Variants in VWDE observed in about 807,000 individuals in gnomAD.
The protein encoded by VWDE is von Willebrand factor D and EGF domain-containing protein.
A neutral mutation model predicts 178.4 loss-of-function variants in VWDE; 207 were observed. That is an observed-to-expected ratio of 1.16 (90% CI 1.04 to 1.30). VWDE has a LOEUF of 1.30. Among genes scored for constraint, VWDE ranks in the 50% most tolerant of loss-of-function variants. The pLI is 0.00. For missense variants in VWDE, 2,287 were observed against 1,901.3 expected (o/e 1.20, Z -3.77); for synonymous variants, 738 against 651.4 (o/e 1.13, Z -2.02).
At chr7:12,386,435 T>G (rs77776991) in intron 3 of VWDE, among the ~76,000 whole-genome samples, 3 of 152,148 alleles carry the variant, frequency 2.0e-5, no homozygotes, top group Non-Finnish European at 4.4e-5. Flanking sequence ...TAATTCTCCA[T>G]AGACTTCTCA....
Position 12,344,241 on chromosome 7 carries a change from G to T in VWDE, c.4032C>A (p.Asn1344Lys). 1 of 1,551,256 alleles carries T rather than the reference G, an allele frequency of 6.4e-7. No individual in the cohort carries two copies. Among genetic ancestry groups the T allele is most frequent in the Non-Finnish European group, 8.7e-7 (1 of 1,146,682 alleles). ...CKNHGKCIKP[N>K]ICQCLPGHGG... ...CATGTCCTGGAAGACACTGACAAAT[G>T]TTAGGCTTAATACATTTTCCATGGT... The change falls in exon 21 of 29, where the codon AAC becomes AAA. Residue 1344 changes from asparagine (N) to lysine (K), a missense_variant. Coordinates refer to ENST00000275358, the MANE Select transcript of VWDE (RefSeq NM_001135924.3).
At chr7:12,391,263 T>G (rs2128561724) in intron 2 of VWDE, among the ~76,000 whole-genome samples, 1 of 152,356 alleles carries the variant, frequency 6.6e-6, no homozygotes, top group South Asian at 2.1e-4. Context: ...CTTTATGTAA[T>G]GCATAAGCAT....
At chr7:12,359,207 C>T (rs528613960) in intron 16 of VWDE, among the ~76,000 whole-genome samples, 21 of 152,298 alleles carry the variant, frequency 1.4e-4, no homozygotes, top group African/African-American at 4.3e-4. Flanking sequence ...CATCACACAA[C>T]AGTAGTACTG....
intron 1 of VWDE, among the ~76,000 whole-genome samples, chr7:12,394,606 G>A (rs577706288): frequency 1.3e-5 from 2 of 152,244 alleles, no homozygotes; most frequent in South Asian, 2.1e-4. Context: ...ACTCTTGTTT[G>A]AGGCTCCTGT....
chr7:12,338,767 G>A (rs890268159), intron 24 of VWDE, among the ~76,000 whole-genome samples: 3 of 152,120 alleles, frequency 2.0e-5, no homozygotes, highest in Non-Finnish European at 2.9e-5. Flanking sequence ...TCCAAGAGGT[G>A]AAGCAAATTG....
Position 12,370,662 on chromosome 7 carries a change from T to A in VWDE, c.1790A>T (p.Glu597Val), listed in dbSNP as rs1368283312. 1 of 1,550,782 alleles carries A rather than the reference T, an allele frequency of 6.4e-7. No homozygotes were observed. The highest frequency in any genetic ancestry group is 8.7e-7 in the Non-Finnish European group (1 of 1,146,536). The change falls in exon 11 of 29, where the codon GAA becomes GTA. Residue 597 changes from glutamate (E) to valine (V), a missense_variant. Physicochemically the swap from Glu to Val is moderately radical, Grantham distance 121. Coordinates refer to ENST00000275358, the MANE Select transcript of VWDE (RefSeq NM_001135924.3). ...TGGAAAAATAGTGTCTTACCTCCAT[T>A]CATTAATAAAAGCAACATAATTGTT... Reference protein sequence around the residue: ...NFNNYVAFINEWRILPGKSMS... With the variant: ...NFNNYVAFINVWRILPGKSMS...
At chr7:12,345,209 C>A (rs950606843) in intron 19 of VWDE, among the ~76,000 whole-genome samples, 15 of 151,914 alleles carry the variant, frequency 9.9e-5, no homozygotes, top group African/African-American at 3.4e-4. Flanking sequence ...ACTCAGCAGA[C>A]CCACTTTTGT....
intron 23 of VWDE, among the ~76,000 whole-genome samples, chr7:12,341,413 C>T (rs900977384): frequency 1.3e-5 from 2 of 152,126 alleles, no homozygotes; most frequent in African/African-American, 2.4e-5. Flanking sequence ...GCAGGCGGAT[C>T]ACGAGGTCAG....
intron 19 of VWDE, among the ~76,000 whole-genome samples, chr7:12,346,630 A>T (rs1440034): frequency 0.64 from 96,740 of 150,156 alleles, 32,174 homozygotes; most frequent in African/African-American, 0.83. Context: ...GGCGGGGGGG[A>T]TCATTATTTA....
chr7:12,389,308 T>C lies in VWDE; in HGVS notation c.294A>G (p.Ser98=). The change falls in exon 3 of 29, where the codon TCA becomes TCG. Residue 98 remains serine (S), a synonymous_variant. Transcript: ENST00000275358. Reference sequence around the variant, plus strand: ...TCTCCCCAGGAGATGGCAGTGTTTCTGAATCTCTCAGAGACAGCCAGATGG... The same window carrying C: ...TCTCCCCAGGAGATGGCAGTGTTTCCGAATCTCTCAGAGACAGCCAGATGG... The part of the protein sequence containing the change: ...QAPIWLSLRD[S]ETLPSPGEIK... 5 of 1,551,542 alleles carry C rather than the reference T, an allele frequency of 3.2e-6. No individual in the cohort carries two copies. The highest frequency in any genetic ancestry group is 2.4e-5 in the East Asian group (1 of 40,912).
Position 12,370,492 on chromosome 7 carries a change from C to A in VWDE, c.1814G>T (p.Ser605Ile). ...INEWRILPGKSMSDTLPVSMT... is the reference protein window; with the variant it reads ...INEWRILPGKIMSDTLPVSMT... Reference sequence around the variant, plus strand: ...AGAAACTGGCAGTGTGTCAGACATGCTTTTTCCTGGTAAAATCCTTCCAGA... The same window carrying A: ...AGAAACTGGCAGTGTGTCAGACATGATTTTTCCTGGTAAAATCCTTCCAGA... The change falls in exon 12 of 29, where the codon AGC becomes ATC. Residue 605 changes from serine to isoleucine, a missense_variant. Coordinates refer to ENST00000275358, the MANE Select transcript of VWDE (RefSeq NM_001135924.3). 6.5e-7 allele frequency: 1 copy of A among 1,537,322 alleles called. No homozygotes were observed.
At position 12,357,318 on chromosome 7, in the gene VWDE, T is replaced by A. The variant is rs73678122; in HGVS notation, c.3472A>T (p.Ile1158Phe). Residue 1158 changes from isoleucine to phenylalanine, a missense_variant, in exon 17 of 29, where the codon ATT (isoleucine) becomes TTT (phenylalanine). Physicochemically the swap from Ile to Phe is conservative, Grantham distance 21. Transcript: ENST00000275358. ...CAGTCATCATTAAGGCGTACAGTAA[T>A]TTGTTGGGTAGTTAGTAAATCTGTT... is the stretch of plus-strand genomic sequence containing the variant. ...WKTDLLTTQQITVRLNDDCDA... is the reference protein window; with the variant it reads ...WKTDLLTTQQFTVRLNDDCDA... 4.3e-3 allele frequency: 6,737 copies of A among 1,552,204 alleles called. 226 individuals carry two copies. In the African/African-American group the frequency reaches 0.08, roughly 18 times the overall value.
At chr7:12,383,168 T>C (rs751255748) in intron 4 of VWDE, among the ~76,000 whole-genome samples, 3 of 152,084 alleles carry the variant, frequency 2.0e-5, no homozygotes, top group Non-Finnish European at 4.4e-5. Flanking sequence ...AAAACATTAT[T>C]AGACAAATTC....
intron 1 of VWDE, among the ~76,000 whole-genome samples, chr7:12,395,165 C>T (rs1784565719): frequency 1.3e-5 from 2 of 152,078 alleles, no homozygotes; most frequent in South Asian, 4.2e-4. Flanking sequence ...GTTAACTTCC[C>T]AAAAGGCTCC....
chr7:12,374,623 T>C, intron 9 of VWDE, 66 bp downstream of exon 9: 1 of 1,192,696 alleles, frequency 8.4e-7, no homozygotes, highest in Non-Finnish European at 1.2e-6. Flanking sequence ...CAATACACTG[T>C]TTAAAATAAA....
rs1486884153 is a variant in VWDE, at chr7:12,357,402, T to C, written c.3388A>G (p.Thr1130Ala). 6.4e-7 allele frequency: 1 copy of C among 1,551,956 alleles called. No individual in the cohort carries two copies. Among genetic ancestry groups the C allele is most frequent in the East Asian group, 2.4e-5 (1 of 40,916 alleles). ...FDPEGSDIHF[T>A]LDSGPEGASV... ...GCCCCTTCAGGACCAGAGTCCAACG[T>C]AAAATGGATGTCAGAACCTTCTGGA... The change falls in exon 17 of 29, where the codon ACG becomes GCG. Residue 1130 changes from threonine (T) to alanine (A), a missense_variant. Transcript: ENST00000275358.
At position 12,337,245 on chromosome 7, in the gene VWDE, C is replaced by G. The variant is rs1249878031; in HGVS notation, c.4394G>C (p.Gly1465Ala). Reference sequence around the variant, plus strand: ...CACATTATTTCTCATGCAGTGGCCACCATTCTTACAGGGAGGGTGACAGAA... The same window carrying G: ...CACATTATTTCTCATGCAGTGGCCAGCATTCTTACAGGGAGGGTGACAGAA... ...NAFCHPPCKN[G>A]GHCMRNNVCV... Residue 1465 changes from glycine (G) to alanine (A), a missense_variant, in exon 25 of 29, where the codon GGT becomes GCT. Gly to Ala is a moderately conservative substitution (Grantham distance 60). Transcript: ENST00000275358. 6.4e-7 allele frequency: 1 copy of G among 1,551,930 alleles called. No individual in the cohort carries two copies. Among genetic ancestry groups the G allele is most frequent in the Admixed American group, 2.0e-5 (1 of 51,012 alleles).
At chr7:12,390,450 C>G (rs1353274554) in intron 2 of VWDE, among the ~76,000 whole-genome samples, 2 of 151,654 alleles carry the variant, frequency 1.3e-5, no homozygotes, top group South Asian at 2.1e-4. Context: ...ATAGTAATGG[C>G]TAAAAAATCG....
intron 1 of VWDE, among the ~76,000 whole-genome samples, chr7:12,395,335 C>G (rs907973092): frequency 6.6e-6 from 1 of 152,120 alleles, no homozygotes; most frequent in Non-Finnish European, 1.5e-5. Context: ...AAAGATATTC[C>G]TAATAAGGTG....
Sources: allele counts gnomAD v4.1 joint callset (sites outside exome capture counted in the v4.1 genomes callset), GRCh38; gene constraint gnomAD v4.1.1; transcripts MANE v1.5; gene names NCBI Gene and HGNC (gene_info 2026-07-23, HGNC 2026-07-21).